ADAMTS2: variants seen among roughly 807,000 people sequenced by gnomAD.
ADAMTS2 encodes the protein A disintegrin and metalloproteinase with thrombospondin motifs 2.
In ADAMTS2, 50 loss-of-function variants were observed where a neutral mutation model predicts 123.0. The observed-to-expected ratio is 0.41, with a 90% CI of 0.32 to 0.51. The LOEUF (loss-of-function observed/expected upper bound fraction) is 0.51. Ranked by LOEUF, ADAMTS2 falls within the 20% of genes least tolerant of loss-of-function variation. The pLI is 0.35. For missense variants in ADAMTS2, 1,494 were observed against 1,705.2 expected (o/e 0.88, Z 2.18); for synonymous variants, 678 against 695.4 (o/e 0.98, Z 0.39).
Position 179,114,307 on chromosome 5 carries a change from C to T in ADAMTS2, c.3196G>A (p.Asp1066Asn), listed in dbSNP as rs1561762201. Residue 1066 changes from aspartate to asparagine, a missense_variant, in exon 22 of 22, where the codon GAC becomes AAC. Physicochemically the swap from Asp to Asn is conservative, Grantham distance 23. Coordinates refer to ENST00000251582, the MANE Select transcript of ADAMTS2 (RefSeq NM_014244.5). Reference protein sequence around the residue: ...KISSKGHCQGDKSIFCRMEVL... With the variant: ...KISSKGHCQGNKSIFCRMEVL... ...TCCATCCTACAGAATATTGACTTGT[C>T]GCCTTGGCAGTGGCCCTCTGAAAAA... 1.9e-6 allele frequency: 3 copies of T among 1,613,800 alleles called. No individual in the cohort carries two copies. The highest frequency in any genetic ancestry group is 2.2e-5 in the East Asian group (1 of 44,886).
At chr5:179,339,168 C>G (rs1399484917) in intron 2 of ADAMTS2, among the ~76,000 whole-genome samples, 1 of 152,196 alleles carries the variant, frequency 6.6e-6, no homozygotes, top group Non-Finnish European at 1.5e-5. Flanking sequence ...CCCTCCCCCT[C>G]AGTCCCAAAG....
chr5:179,174,371 G>GT (rs1242891141), intron 5 of ADAMTS2, among the ~76,000 whole-genome samples: 1 of 151,960 alleles, frequency 6.6e-6, no homozygotes, highest in East Asian at 1.9e-4. Flanking sequence ...TTTTCATTGT[G>GT]TTTTTTGACA....
At chr5:179,344,252 C>A in intron 1 of ADAMTS2, 91 bp from the exon 2 acceptor site, 3 of 1,470,860 alleles carry the variant, frequency 2.0e-6, no homozygotes, top group Non-Finnish European at 2.7e-6. Flanking sequence ...CCAGACCCCG[C>A]CCCACTGCGA....
chr5:179,187,145 A>G (rs2113326139), intron 4 of ADAMTS2, among the ~76,000 whole-genome samples: 1 of 152,188 alleles, frequency 6.6e-6, no homozygotes. Context: ...CTCCCTGTGC[A>G]GCCCCTCAAT....
intron 5 of ADAMTS2, among the ~76,000 whole-genome samples, chr5:179,160,077 T>G (rs1193416064): frequency 6.6e-6 from 1 of 152,202 alleles, no homozygotes; most frequent in Non-Finnish European, 1.5e-5. Flanking sequence ...AGATGTGCAT[T>G]CCTTGGAAGC....
intron 2 of ADAMTS2, among the ~76,000 whole-genome samples, chr5:179,315,080 C>A (rs1302338228): frequency 1.3e-5 from 2 of 150,994 alleles, no homozygotes; most frequent in Non-Finnish European, 1.5e-5. Context: ...GCCTCCTCCT[C>A]CCCCTGCCCC....
At chr5:179,343,743 G>T in intron 2 of ADAMTS2, 24 bp downstream of exon 2, 2 of 1,605,670 alleles carry the variant, frequency 1.2e-6, no homozygotes, top group East Asian at 2.2e-5. Flanking sequence ...CGGAGAGAAA[G>T]GAGCTAGAGA....
intron 19 of ADAMTS2, 189 bp from the exon 20 acceptor site, chr5:179,122,962 A>T (rs572079405): frequency 2.6e-6 from 2 of 772,976 alleles, no homozygotes; most frequent in Non-Finnish European, 4.2e-6. Flanking sequence ...CTGGGGCTCT[A>T]AAGAAGGGAC....
At chr5:179,169,481 G>T (rs1335124491) in intron 5 of ADAMTS2, among the ~76,000 whole-genome samples, 1 of 152,234 alleles carries the variant, frequency 6.6e-6, no homozygotes, top group Non-Finnish European at 1.5e-5. Flanking sequence ...GACCCAGGTA[G>T]GTCTGGGTGA....
intron 2 of ADAMTS2, among the ~76,000 whole-genome samples, chr5:179,327,580 A>T (rs1396504303): frequency 6.6e-6 from 1 of 152,088 alleles, no homozygotes; most frequent in Non-Finnish European, 1.5e-5. Flanking sequence ...TAAAACCACA[A>T]CATGGGCACA....
intron 2 of ADAMTS2, among the ~76,000 whole-genome samples, chr5:179,316,940 A>G (rs1253941290): frequency 6.6e-6 from 1 of 152,184 alleles, no homozygotes; most frequent in Non-Finnish European, 1.5e-5. Flanking sequence ...CCCTGTCTCA[A>G]AAAAAGGAAA....
intron 2 of ADAMTS2, among the ~76,000 whole-genome samples, chr5:179,305,136 C>T (rs1349469539): frequency 6.6e-6 from 1 of 151,402 alleles, no homozygotes; most frequent in East Asian, 1.9e-4. Context: ...GAAATAAAGA[C>T]ATTCTCAGAT....
intron 2 of ADAMTS2, among the ~76,000 whole-genome samples, chr5:179,315,290 C>CCACAGTTGGCTTCTGGAAAGCACTGAGGT (rs1756959081): frequency 6.6e-6 from 1 of 152,228 alleles, no homozygotes; most frequent in Non-Finnish European, 1.5e-5. Flanking sequence ...AGCACTGAGG[C>CCACAGTTGGCTTCTGGAAAGCACTGAGGT]CACAGTTGGC....
At chr5:179,196,830 C>T (rs1482992119) in intron 4 of ADAMTS2, among the ~76,000 whole-genome samples, 5 of 152,228 alleles carry the variant, frequency 3.3e-5, no homozygotes, top group African/African-American at 1.2e-4. Flanking sequence ...CTACCCAACC[C>T]ACTGTTGTAG....
chr5:179,186,970 G>A (rs1051277571), intron 4 of ADAMTS2, among the ~76,000 whole-genome samples: 2 of 152,086 alleles, frequency 1.3e-5, no homozygotes, highest in Non-Finnish European at 2.9e-5. Context: ...CCCCTCGCCT[G>A]GCATTCGGAG....
intron 9 of ADAMTS2, among the ~76,000 whole-genome samples, chr5:179,152,997 CT>C (rs1302713990): frequency 3.9e-5 from 6 of 152,240 alleles, no homozygotes; most frequent in Non-Finnish European, 5.9e-5. Flanking sequence ...CTCATAGACA[CT>C]GAAGCTCCCA....
At chr5:179,340,415 C>G (rs2127462237) in intron 2 of ADAMTS2, among the ~76,000 whole-genome samples, 1 of 152,372 alleles carries the variant, frequency 6.6e-6, no homozygotes, top group African/African-American at 2.4e-5. Context: ...CCACTCAGCT[C>G]CCAGGCCTGC....
chr5:179,199,116 C>A (rs1764500573), intron 4 of ADAMTS2, among the ~76,000 whole-genome samples: 1 of 152,214 alleles, frequency 6.6e-6, no homozygotes, highest in South Asian at 2.1e-4. Flanking sequence ...GCCCTAGGGA[C>A]AGGCTGACTT....
intron 4 of ADAMTS2, among the ~76,000 whole-genome samples, chr5:179,187,724 G>A (rs1382177826): frequency 1.3e-5 from 2 of 152,174 alleles, no homozygotes; most frequent in East Asian, 3.9e-4. Context: ...ATGTCCTTGA[G>A]TACTGTCTGA....
Sources: gnomAD v4.1 joint callset for allele counts (sites outside exome capture counted in the v4.1 genomes callset) on GRCh38, gnomAD v4.1.1 for gene constraint, MANE v1.5 for transcripts, NCBI Gene and HGNC (gene_info 2026-07-23, HGNC 2026-07-21) for gene names.